USPL1: variants seen among roughly 807,000 people sequenced by gnomAD.
The protein encoded by USPL1 is SUMO-specific isopeptidase USPL1.
USPL1 carries 27 observed loss-of-function variants against 51.5 expected under a neutral mutation model. The ratio of observed to expected loss-of-function variants is 0.52; its 90% CI spans 0.39 to 0.72. The LOEUF (loss-of-function observed/expected upper bound fraction) is 0.72, where lower values mean the gene tolerates loss of function less well. Among genes scored for constraint, USPL1 ranks in the 30% least tolerant of loss-of-function variants. The pLI is 0.00. For missense variants in USPL1, 1,226 were observed against 1,268.0 expected (o/e 0.97, Z 0.50); for synonymous variants, 451 against 459.6 (o/e 0.98, Z 0.24).
At chr13:30,634,206 C>T (rs928728340) in intron 4 of USPL1, among the ~76,000 whole-genome samples, 4 of 152,106 alleles carry the variant, frequency 2.6e-5, no homozygotes, top group Non-Finnish European at 5.9e-5. Flanking sequence ...GGCAATAGAT[C>T]GCATCACCAA....
At chr13:30,656,134 T>G (rs1951160192) in intron 8 of USPL1, among the ~76,000 whole-genome samples, 2 of 152,170 alleles carry the variant, frequency 1.3e-5, no homozygotes, top group South Asian at 4.1e-4. Context: ...AAATATACCC[T>G]CCCTTAACCC....
intron 4 of USPL1, among the ~76,000 whole-genome samples, chr13:30,633,206 A>G (rs954926875): frequency 6.6e-6 from 1 of 152,220 alleles, no homozygotes; most frequent in Admixed American, 6.5e-5. Context: ...CCACATTCAC[A>G]TAACTTTCAT....
At chr13:30,625,570 T>A (rs889401177) in intron 3 of USPL1, among the ~76,000 whole-genome samples, 3 of 148,946 alleles carry the variant, frequency 2.0e-5, no homozygotes, top group African/African-American at 7.4e-5. Context: ...CTCAGCCTCC[T>A]CAGTAGGTGA....
intron 5 of USPL1, among the ~76,000 whole-genome samples, 165 bp downstream of exon 5, chr13:30,638,022 A>G (rs111657370): frequency 2.0e-5 from 3 of 152,320 alleles, no homozygotes; most frequent in African/African-American, 7.2e-5. Context: ...AAGTTATTGT[A>G]GGGCAGAGCT....
Position 30,653,179 on chromosome 13 carries a change from G to T in USPL1, c.1270G>T (p.Glu424Ter). ...VSPIFMLHFV[E>*]GLPQNDLQHY... is the part of the protein sequence containing the mutation. Reference sequence around the variant, plus strand: ...TCCCATATTCATGTTGCACTTTGTAGAAGGCTTACCACAGAATGACTTGCA... The same window carrying T: ...TCCCATATTCATGTTGCACTTTGTATAAGGCTTACCACAGAATGACTTGCA... Residue 424 changes from glutamate (E) to a stop codon, truncating the protein, a stop_gained, in exon 8 of 9, where the codon GAA (glutamate) becomes TAA (stop). Coordinates refer to ENST00000255304, the MANE Select transcript of USPL1 (RefSeq NM_005800.5). LOFTEE classifies it high-confidence loss of function. 5 of 1,608,998 alleles carry T rather than the reference G, an allele frequency of 3.1e-6. No homozygotes were observed. The highest frequency in any genetic ancestry group is 3.4e-6 in the Non-Finnish European group (4 of 1,177,030).
At chr13:30,627,375 G>A (rs1212158812) in intron 3 of USPL1, among the ~76,000 whole-genome samples, 1 of 152,018 alleles carries the variant, frequency 6.6e-6, no homozygotes, top group Non-Finnish European at 1.5e-5. Context: ...GAAAAATCAG[G>A]GCAAGGACAA....
intron 5 of USPL1, among the ~76,000 whole-genome samples, chr13:30,640,511 G>A (rs574449354): frequency 4.6e-5 from 7 of 152,216 alleles, no homozygotes; most frequent in African/African-American, 1.7e-4. Context: ...CCAACATGGT[G>A]AAACCCTGTC....
At chr13:30,631,503 C>T (rs758396264) in intron 4 of USPL1, 29 bp downstream of exon 4, 3 of 1,555,172 alleles carry the variant, frequency 1.9e-6, no homozygotes, top group Admixed American at 1.8e-5. Flanking sequence ...TTTTTATTTA[C>T]TTATTTATTC....
chr13:30,620,554 A>G (rs1425916608), intron 1 of USPL1, among the ~76,000 whole-genome samples: 1 of 152,224 alleles, frequency 6.6e-6, no homozygotes, highest in East Asian at 1.9e-4. Context: ...TACAAATAAT[A>G]ATTTGTTAGC....
chr13:30,624,866 T>C (rs950779470), intron 3 of USPL1, among the ~76,000 whole-genome samples: 4 of 152,228 alleles, frequency 2.6e-5, no homozygotes, highest in Non-Finnish European at 4.4e-5. Flanking sequence ...ATCCTTGTTA[T>C]TGATCCTTGT....
In USPL1 at chr13:30,658,073, GT is replaced by G; in HGVS notation, c.1997del (p.Val666AspfsTer3). ...AGTTGTAAATACAAACATGCAGTCA[GT>G]ACAGCTGAATACAGAAGATACTGTA... ...SQVVNTNMQS[V>X]QLNTEDTVNT... On this transcript the variant is annotated frameshift_variant, in exon 9 of 9. Transcript: ENST00000255304. LOFTEE classifies it low-confidence loss of function (END_TRUNC). The G allele has an allele frequency of 6.2e-7, 1 of 1,613,406 alleles. No individual in the cohort carries two copies. The highest frequency in any genetic ancestry group is 8.5e-7 in the Non-Finnish European group (1 of 1,179,982).
At position 30,657,729 on chromosome 13, in the gene USPL1, A is replaced by G. The variant is rs747141023; in HGVS notation, c.1652A>G (p.Lys551Arg). The G allele has an allele frequency of 6.2e-7, 1 of 1,614,206 alleles. No homozygotes were observed. Among genetic ancestry groups the G allele is most frequent in the Non-Finnish European group, 8.5e-7 (1 of 1,180,030 alleles). ...SAETASVTHP[K>R]DISVAPRTLS... ...GAAACAGCCTCAGTAACTCACCCTA[A>G]AGATATATCAGTTGCCCCTCGTACT... The change falls in exon 9 of 9, where the codon AAA becomes AGA. Residue 551 changes from lysine to arginine, a missense_variant. Coordinates refer to ENST00000255304, the MANE Select transcript of USPL1 (RefSeq NM_005800.5).
chr13:30,658,095 C>T lies in USPL1; in HGVS notation c.2018C>T (p.Thr673Ile), dbSNP rs1451460656. The change falls in exon 9 of 9, where the codon ACT becomes ATT. Residue 673 changes from threonine to isoleucine, a missense_variant. Coordinates refer to ENST00000255304, the MANE Select transcript of USPL1 (RefSeq NM_005800.5). Reference protein sequence around the residue: ...MQSVQLNTEDTVNTKSVNNTD... With the variant: ...MQSVQLNTEDIVNTKSVNNTD... Reference sequence around the variant, plus strand: ...TCAGTACAGCTGAATACAGAAGATACTGTAAATACTAAATCTGTGAATAAT... The same window carrying T: ...TCAGTACAGCTGAATACAGAAGATATTGTAAATACTAAATCTGTGAATAAT... The T allele has an allele frequency of 6.2e-7, 1 of 1,613,346 alleles. No individual in the cohort carries two copies. The highest frequency in any genetic ancestry group is 8.5e-7 in the Non-Finnish European group (1 of 1,179,986).
chr13:30,635,696 A>T (rs1950866781), intron 4 of USPL1, among the ~76,000 whole-genome samples: 1 of 152,154 alleles, frequency 6.6e-6, no homozygotes, highest in African/African-American at 2.4e-5. Context: ...CTTATTCATT[A>T]ATGTGCTAAA....
chr13:30,640,356 G>T (rs1950930339), intron 5 of USPL1, among the ~76,000 whole-genome samples: 1 of 152,068 alleles, frequency 6.6e-6, no homozygotes, highest in African/African-American at 2.4e-5. Context: ...TCATTTCTAG[G>T]ATATTGATTT....
At chr13:30,619,407 G>C (rs1459212982) in intron 1 of USPL1, among the ~76,000 whole-genome samples, 1 of 152,124 alleles carries the variant, frequency 6.6e-6, no homozygotes, top group East Asian at 1.9e-4. Context: ...AGCAGATTTG[G>C]AGACTCTTTA....
chr13:30,625,944 T>C (rs749308444), intron 3 of USPL1, among the ~76,000 whole-genome samples: 1 of 152,194 alleles, frequency 6.6e-6, no homozygotes, highest in Non-Finnish European at 1.5e-5. Flanking sequence ...AGACATTTTG[T>C]ATGATGCACA....
chr13:30,642,534 G>A (rs1484416238), intron 5 of USPL1, 94 bp from the exon 6 acceptor site: 19 of 1,470,442 alleles, frequency 1.3e-5, no homozygotes, highest in Non-Finnish European at 2.8e-6. Context: ...TATTCATGCT[G>A]TAAATATAGT....
intron 7 of USPL1, among the ~76,000 whole-genome samples, chr13:30,649,530 C>T (rs1951061313): frequency 6.6e-6 from 1 of 152,192 alleles, no homozygotes; most frequent in South Asian, 2.1e-4. Flanking sequence ...TGAATTATGC[C>T]TAGCGGGCCC....
Sources: gnomAD v4.1 joint callset for allele counts (sites outside exome capture counted in the v4.1 genomes callset) on GRCh38, gnomAD v4.1.1 for gene constraint, MANE v1.5 for transcripts, NCBI Gene and HGNC (gene_info 2026-07-23, HGNC 2026-07-21) for gene names.